GPR75: variants seen among roughly 807,000 people sequenced by gnomAD.
GPR75 encodes G protein-coupled receptor 75.
In GPR75, 27 loss-of-function variants were observed where a neutral mutation model predicts 26.0. That is an observed-to-expected ratio of 1.04 (90% CI 0.77 to 1.43). GPR75 has a LOEUF of 1.43. Ranked by LOEUF, GPR75 falls within the 40% of genes most tolerant of loss-of-function variation. GPR75 has a pLI of 0.00. For missense variants in GPR75, 699 were observed against 662.3 expected (o/e 1.06, Z -0.61); for synonymous variants, 285 against 256.3 (o/e 1.11, Z -1.07).
chr2:53,857,180 G>C (rs1345580665), intron 1 of GPR75, among the ~76,000 whole-genome samples: 1 of 150,686 alleles, frequency 6.6e-6, no homozygotes, highest in African/African-American at 2.4e-5. Context: ...TGTTAGCCAG[G>C]ATGGTCTCGA....
intron 1 of GPR75, among the ~76,000 whole-genome samples, chr2:53,857,393 C>T (rs1033397278): frequency 1.3e-5 from 2 of 152,038 alleles, no homozygotes; most frequent in African/African-American, 4.8e-5. Context: ...ATACTGGTGT[C>T]TCTAACCCCC....
chr2:53,856,869 C>A (rs1354577251), intron 1 of GPR75, among the ~76,000 whole-genome samples: 1 of 151,102 alleles, frequency 6.6e-6, no homozygotes, highest in Non-Finnish European at 1.5e-5. Flanking sequence ...AAAAATAGTA[C>A]CAGATAGCTC....
chr2:53,852,925 T>C lies in GPR75; in HGVS notation c.*209A>G. 1.9e-6 allele frequency: 1 copy of C among 529,304 alleles called. No homozygotes were observed. The highest frequency in any genetic ancestry group is 3.3e-6 in the Non-Finnish European group (1 of 300,944). The allele number at this position is 529,304 out of a possible 1,614,324, so 32.8% of individuals were successfully genotyped here. A position where few individuals can be genotyped will look rare whatever the true frequency, so the allele number is the denominator to read the frequency against. ...CTGAGGCAAAGAGCAGGGTAAAAAA[T>C]CTAAAACTTTCACATCAAATCTTAA... On this transcript the variant is annotated 3_prime_UTR_variant, in exon 2 of 2. Transcript: ENST00000394705.
chr2:53,854,415 C>T lies in GPR75; in HGVS notation c.342G>A (p.Pro114=), dbSNP rs780924105. ...VLFFSSASSI[P]DAFCFTFHLT... is the part of the protein sequence containing the mutation. Reference sequence around the variant, plus strand: ...GATGGAAAGTGAAGCAGAAAGCATCCGGGATACTACTGGCTGAGCTGAAGA... The same window carrying T: ...GATGGAAAGTGAAGCAGAAAGCATCTGGGATACTACTGGCTGAGCTGAAGA... The change falls in exon 2 of 2, where the codon CCG becomes CCA. Residue 114 remains proline, a synonymous_variant. Transcript: ENST00000394705. The T allele has an allele frequency of 1.9e-5, 31 of 1,613,994 alleles. No individual in the cohort carries two copies. The highest frequency in any genetic ancestry group is 1.6e-4 in the Middle Eastern group (1 of 6,062).
In GPR75 at chr2:53,854,576, A is replaced by T; in HGVS notation, c.181T>A (p.Phe61Ile). The change falls in exon 2 of 2, where the codon TTC (phenylalanine) becomes ATC (isoleucine). Residue 61 changes from phenylalanine to isoleucine, a missense_variant. By Grantham distance (21) the Phe-to-Ile change is conservative. Transcript: ENST00000394705. Reference protein sequence around the residue: ...VIFCLGSYGNFIVFLSFFDPA... With the variant: ...VIFCLGSYGNIIVFLSFFDPA... ...TCGAAGAAGGACAAGAAGACAATGA[A>T]GTTGCCATAGGAACCCAGGCAGAAG... The T allele has an allele frequency of 6.2e-7, 1 of 1,614,074 alleles. No individual in the cohort carries two copies.
At chr2:53,857,346 G>A (rs1333109485) in intron 1 of GPR75, among the ~76,000 whole-genome samples, 1 of 152,124 alleles carries the variant, frequency 6.6e-6, no homozygotes, top group African/African-American at 2.4e-5. Context: ...AAGTAGAAGA[G>A]AAAACAATTT....
At position 53,853,503 on chromosome 2, in the gene GPR75, G is replaced by A; in HGVS notation, c.1254C>T (p.Asn418=). Residue 418 remains asparagine (N), a synonymous_variant, in exon 2 of 2, where the codon AAC becomes AAT. Coordinates refer to ENST00000394705, the MANE Select transcript of GPR75 (RefSeq NM_006794.4). Reference sequence around the variant, plus strand: ...TTTCATGATGGGAGGATTTGTTTCTGTTGACTTCGAGGTTCCCTTTTCCCA... The same window carrying A: ...TTTCATGATGGGAGGATTTGTTTCTATTGACTTCGAGGTTCCCTTTTCCCA... ...RAMGKGNLEV[N]RNKSSHHETN... The A allele has an allele frequency of 6.2e-7, 1 of 1,614,098 alleles. No homozygotes were observed. Among genetic ancestry groups the A allele is most frequent in the Admixed American group, 1.7e-5 (1 of 60,022 alleles).
intron 1 of GPR75, 26 bp downstream of exon 1, chr2:53,859,802 T>A: frequency 6.6e-7 from 1 of 1,511,978 alleles, no homozygotes. Flanking sequence ...GGGGTTGTCC[T>A]CCTCCAGGGG....
At chr2:53,856,179 CT>C (rs1231459541) in intron 1 of GPR75, among the ~76,000 whole-genome samples, 2 of 152,188 alleles carry the variant, frequency 1.3e-5, no homozygotes, top group Admixed American at 6.5e-5. Context: ...AGAATAACTT[CT>C]TGCTCCTTTT....
At chr2:53,855,032 G>A (rs946159115) in intron 1 of GPR75, among the ~76,000 whole-genome samples, 167 bp from the exon 2 acceptor site, 11 of 152,042 alleles carry the variant, frequency 7.2e-5, no homozygotes, top group African/African-American at 2.7e-4. Context: ...TGTTGCCCAG[G>A]CTGGACTTGA....
chr2:53,858,948 T>C (rs78470948), intron 1 of GPR75, among the ~76,000 whole-genome samples: 1,570 of 151,984 alleles, frequency 0.01, 20 homozygotes, highest in African/African-American at 0.036. Context: ...CACATGCATA[T>C]TCTTACAAAT....
chr2:53,855,012 G>A (rs905566142), intron 1 of GPR75, 147 bp from the exon 2 acceptor site: 2 of 437,918 alleles, frequency 4.6e-6, no homozygotes, highest in Non-Finnish European at 8.1e-6. Context: ...TTAGCAATGG[G>A]GTCTTACCAT....
intron 1 of GPR75, among the ~76,000 whole-genome samples, chr2:53,858,375 A>G (rs1279441654): frequency 6.7e-6 from 1 of 150,098 alleles, no homozygotes; most frequent in Non-Finnish European, 1.5e-5. Flanking sequence ...CTATATAGCT[A>G]TATCTACATC....
chr2:53,857,263 G>A (rs551371188), intron 1 of GPR75, among the ~76,000 whole-genome samples: 4 of 152,118 alleles, frequency 2.6e-5, no homozygotes, highest in South Asian at 4.1e-4. Context: ...CACCGCGCCC[G>A]GCCGAGAAAG....
At chr2:53,855,443 C>T (rs1573159754) in intron 1 of GPR75, among the ~76,000 whole-genome samples, 2 of 152,164 alleles carry the variant, frequency 1.3e-5, no homozygotes, top group East Asian at 3.9e-4. Context: ...GTAATCTCTC[C>T]ACCAAAGAGA....
At chr2:53,856,996 G>A (rs1162239156) in intron 1 of GPR75, among the ~76,000 whole-genome samples, 3 of 110,744 alleles carry the variant, frequency 2.7e-5, no homozygotes, top group African/African-American at 6.9e-5. Context: ...TCGCTCTGTC[G>A]CCCAGGCGGG....
chr2:53,857,654 G>A (rs1428248921), intron 1 of GPR75, among the ~76,000 whole-genome samples: 1 of 152,084 alleles, frequency 6.6e-6, no homozygotes, highest in East Asian at 1.9e-4. Context: ...AGAATAGGAG[G>A]CAGGAGGAAA....
At position 53,852,983 on chromosome 2, in the gene GPR75, TACTG is replaced by T. The variant is rs1234849903; in HGVS notation, c.*147_*150del. Reference sequence around the variant, plus strand: ...ACAAACTACAAAGCAAATCAACAGATACTGACACATCAGATGAAAGAAAACCATA... The same window carrying T: ...ACAAACTACAAAGCAAATCAACAGATACACATCAGATGAAAGAAAACCATA... On this transcript the variant is annotated 3_prime_UTR_variant, in exon 2 of 2. Transcript: ENST00000394705. 6 of 603,388 alleles carry T rather than the reference TACTG, an allele frequency of 9.9e-6. No homozygotes were observed. Among genetic ancestry groups the T allele is most frequent in the African/African-American group, 7.4e-5 (4 of 54,076 alleles). The allele number at this position is 603,388 out of a possible 1,614,324, so 37.4% of individuals were successfully genotyped here. A position where few individuals can be genotyped will look rare whatever the true frequency, so the allele number is the denominator to read the frequency against.
intron 1 of GPR75, among the ~76,000 whole-genome samples, chr2:53,857,202 C>T (rs899085593): frequency 1.3e-4 from 19 of 151,700 alleles, no homozygotes; most frequent in Non-Finnish European, 2.7e-4. Context: ...CTCCTGACCT[C>T]ATGATCCACC....
Sources: gnomAD v4.1 joint callset for allele counts (sites outside exome capture counted in the v4.1 genomes callset) on GRCh38, gnomAD v4.1.1 for gene constraint, MANE v1.5 for transcripts, NCBI Gene and HGNC (gene_info 2026-07-23, HGNC 2026-07-21) for gene names.